The following SV2C variants were observed in gnomAD, a reference collection of about 807,000 sequenced individuals.
SV2C encodes solute carrier family 22 member B3.
SV2C carries 49 observed loss-of-function variants against 79.7 expected under a neutral mutation model. The observed-to-expected ratio is 0.61, with a 90% CI of 0.49 to 0.78. The LOEUF is 0.78. SV2C is among the 30% of genes least tolerant of loss of function. The pLI is 0.00. For synonymous variants in SV2C, 334 were observed against 333.2 expected (o/e 1.00, Z -0.03); for missense variants, 833 against 912.9 (o/e 0.91, Z 1.13).
intron 4 of SV2C, among the ~76,000 whole-genome samples, chr5:76,239,662 G>T (rs1440568051): frequency 6.6e-6 from 1 of 152,160 alleles, no homozygotes; most frequent in Admixed American, 6.5e-5. Context: ...CCCCAAATGG[G>T]CCTCTCCACC....
At chr5:75,993,168 A>G in the SV2C span, among the ~76,000 whole-genome samples, 2 of 152,114 alleles carry the variant, frequency 1.3e-5, no homozygotes, top group South Asian at 2.1e-4. Context: ...AATATTTTAA[A>G]TTACAGTATA....
the SV2C span, among the ~76,000 whole-genome samples, chr5:76,014,310 GGAAA>G: frequency 8.6e-5 from 13 of 151,636 alleles, no homozygotes; most frequent in African/African-American, 3.1e-4. Context: ...AAAGAAGAAA[GGAAA>G]GAAAGAAAGA....
rs149263713 is a variant in SV2C, at chr5:76,143,420, G to A, written c.580+11090G>A. 6.6e-5 allele frequency among the ~76,000 whole-genome samples: 10 copies of A among 152,178 alleles called. No homozygotes were observed. In the East Asian group the frequency reaches 9.7e-4, roughly 15 times the overall value. On this transcript the variant is annotated intron_variant, in intron 2 of 12. Transcript: ENST00000502798. ...AACTCTATGTTAGCATTTCTCAACC[G>A]GAGCCCTAGTAACAGGGACAGGTCT...
the SV2C span, among the ~76,000 whole-genome samples, chr5:75,887,599 C>G: frequency 4.2e-4 from 64 of 152,196 alleles, 2 homozygotes; most frequent in East Asian, 8.9e-3. Flanking sequence ...AATAAGGCTT[C>G]CAGTAGACTT....
intron 4 of SV2C, among the ~76,000 whole-genome samples, chr5:76,260,567 T>C (rs529202913): frequency 3.9e-5 from 6 of 152,334 alleles, no homozygotes; most frequent in African/African-American, 1.2e-4. Flanking sequence ...AGGGTTTTTA[T>C]GGTGTTAGGT....
At chr5:76,146,812 A>AG (rs1188726199) in intron 2 of SV2C, among the ~76,000 whole-genome samples, 10 of 150,042 alleles carry the variant, frequency 6.7e-5, no homozygotes, top group Non-Finnish European at 1.0e-4. Flanking sequence ...AAAAAAAAAA[A>AG]AAAAAAAAGC....
intron 4 of SV2C, among the ~76,000 whole-genome samples, chr5:76,258,283 G>A (rs1198800239): frequency 6.6e-6 from 1 of 152,050 alleles, no homozygotes; most frequent in African/African-American, 2.4e-5. Context: ...CCACCCAGAT[G>A]GTCTACTACA....
chr5:75,898,107 T>C, the SV2C span, among the ~76,000 whole-genome samples: 1 of 152,184 alleles, frequency 6.6e-6, no homozygotes, highest in African/African-American at 2.4e-5. Context: ...AACACTATGT[T>C]GAATAGGAGT....
At chr5:75,993,788 C>T in the SV2C span, among the ~76,000 whole-genome samples, 1 of 151,954 alleles carries the variant, frequency 6.6e-6, no homozygotes, top group South Asian at 2.1e-4. Flanking sequence ...AGTTCTTATT[C>T]CAGCTTTTCA....
chr5:76,011,680 T>C, the SV2C span, among the ~76,000 whole-genome samples: 3 of 152,134 alleles, frequency 2.0e-5, no homozygotes, highest in Admixed American at 6.5e-5. Flanking sequence ...GTTACATAGA[T>C]ATACACGTGC....
At chr5:76,345,290 T>C (rs1200710277) in intron 12 of SV2C, among the ~76,000 whole-genome samples, 3 of 152,176 alleles carry the variant, frequency 2.0e-5, no homozygotes, top group Non-Finnish European at 4.4e-5. Flanking sequence ...TAAGCATTCA[T>C]TTAGGACACT....
the SV2C span, among the ~76,000 whole-genome samples, chr5:75,883,564 A>G: frequency 6.8e-6 from 1 of 147,660 alleles, no homozygotes; most frequent in Non-Finnish European, 1.5e-5. Context: ...GGAAATCATC[A>G]TTCTCAGTAA....
intron 3 of SV2C, among the ~76,000 whole-genome samples, chr5:76,198,783 A>C (rs1423152858): frequency 6.6e-6 from 1 of 152,162 alleles, no homozygotes; most frequent in African/African-American, 2.4e-5. Context: ...GAGGAGTCTC[A>C]TCAAAGTCTC....
At chr5:75,934,885 C>CT in the SV2C span, among the ~76,000 whole-genome samples, 81,189 of 142,736 alleles carry the variant, frequency 0.57, 23,455 homozygotes, top group African/African-American at 0.73. Context: ...GCAAAGTTAA[C>CT]TTTTTTTTTT....
chr5:75,965,745 T>A, the SV2C span, among the ~76,000 whole-genome samples: 2 of 152,188 alleles, frequency 1.3e-5, no homozygotes, highest in South Asian at 2.1e-4. Flanking sequence ...GAGTTTTTTT[T>A]ATTCTACCTA....
chr5:75,848,031 T>C, the SV2C span, among the ~76,000 whole-genome samples: 2,489 of 152,314 alleles, frequency 0.016, 62 homozygotes, highest in Admixed American at 0.047. Flanking sequence ...CACCCTCTCC[T>C]CAACTTTTCC....
rs376871407 is a variant in SV2C at position 76,312,268 on chromosome 5, G to T, written c.2000+10723G>T. Among the ~76,000 whole-genome samples, 35 of 151,546 alleles carry T rather than the reference G, an allele frequency of 2.3e-4. No homozygotes were observed. The East Asian group carries it at 4.7e-3, about 20-fold the overall frequency. On this transcript the variant is annotated intron_variant, in intron 12 of 12. Coordinates refer to ENST00000502798, the MANE Select transcript of SV2C (RefSeq NM_014979.4). The stretch of plus-strand genomic sequence containing the variant: ...CAGGGGCCACTTTTTTTTTTTGGGG[G>T]GGGGGACAGGGTCTCACTCTGTCAC...
intron 12 of SV2C, among the ~76,000 whole-genome samples, chr5:76,310,671 T>G (rs951456910): frequency 3.9e-5 from 6 of 152,126 alleles, no homozygotes; most frequent in African/African-American, 1.4e-4. Flanking sequence ...GTGGTTAGAT[T>G]CTGAAAATAT....
the SV2C span, among the ~76,000 whole-genome samples, chr5:76,063,718 A>G: frequency 3.9e-5 from 6 of 152,176 alleles, no homozygotes; most frequent in South Asian, 2.1e-4. Flanking sequence ...TCTTTTGTTT[A>G]TAAGAACCCT....
Sources: gnomAD v4.1 joint callset for allele counts (sites outside exome capture counted in the v4.1 genomes callset) on GRCh38, gnomAD v4.1.1 for gene constraint, MANE v1.5 for transcripts, NCBI Gene and HGNC (gene_info 2026-07-23, HGNC 2026-07-21) for gene names.